SYTL2: variants seen among roughly 807,000 people sequenced by gnomAD.
SYTL2 encodes synaptotagmin like 2.
A neutral mutation model predicts 198.7 loss-of-function variants in SYTL2; 165 were observed. That is an observed-to-expected ratio of 0.83 (90% confidence interval 0.73 to 0.94). The LOEUF is 0.94. SYTL2 is among the 40% of genes least tolerant of loss of function. SYTL2 has a pLI of 0.00. For synonymous variants in SYTL2, 966 were observed against 917.7 expected, an observed-to-expected ratio of 1.05 and a Z score of -0.95; for missense variants, 2,835 against 2,582.8, an observed-to-expected ratio of 1.10 and a Z score of -2.12.
chr11:85,738,146 C>A (rs1369366401), intron 4 of SYTL2, among the ~76,000 whole-genome samples: 2 of 152,102 alleles, frequency 1.3e-5, no homozygotes, highest in Non-Finnish European at 2.9e-5. Flanking sequence ...AAGTAAGGAA[C>A]CAAAGGCCTG....
At position 85,757,894 on chromosome 11, in the gene SYTL2, G is replaced by T; in HGVS notation, c.-169C>A. The T allele has an allele frequency of 1.2e-6, 1 of 834,010 alleles. No individual in the cohort carries two copies. Among genetic ancestry groups the T allele is most frequent in the South Asian group, 1.7e-5 (1 of 57,934 alleles). The allele number at this position is 834,010 out of a possible 1,614,324, so 51.7% of individuals were successfully genotyped here. ...CAGCAAAAGTTTAGGGCAGCTGATA[G>T]CAAGATCCTAAGTGCTCTTTCCCAT... On this transcript the variant is annotated 5_prime_UTR_variant, in exon 2 of 20. Coordinates refer to ENST00000359152, the MANE Select transcript of SYTL2 (RefSeq NM_206927.4).
In SYTL2 at chr11:85,724,454, C is replaced by T. The variant is rs1350658102; in HGVS notation, c.4904G>A (p.Cys1635Tyr). The change falls in exon 8 of 20, where the codon TGT becomes TAT. Residue 1635 changes from cysteine (C) to tyrosine (Y), a missense_variant. By Grantham distance (194) the Cys-to-Tyr change is radical (BLOSUM62 -2). Coordinates refer to ENST00000359152, the MANE Select transcript of SYTL2 (RefSeq NM_206927.4). Reference protein sequence around the residue: ...SNGLESQVNQCDKMLGGDALV... With the variant: ...SNGLESQVNQYDKMLGGDALV... Reference sequence around the variant, plus strand: ...TGCGTCTCCTCCCAACATTTTATCACATTGGTTGACTTGAGATTCCAAACC... The same window carrying T: ...TGCGTCTCCTCCCAACATTTTATCATATTGGTTGACTTGAGATTCCAAACC... 6.2e-7 allele frequency: 1 copy of T among 1,612,482 alleles called. No individual in the cohort carries two copies. Among genetic ancestry groups the T allele is most frequent in the East Asian group, 2.2e-5 (1 of 44,894 alleles).
chr11:85,714,382 A>G, intron 12 of SYTL2, 31 bp downstream of exon 12: 1 of 1,553,708 alleles, frequency 6.4e-7, no homozygotes, highest in Non-Finnish European at 8.9e-7. Context: ...CTCTGTCTCC[A>G]TTTTTCTGAA....
intron 1 of SYTL2, among the ~76,000 whole-genome samples, chr11:85,778,372 G>A (rs2092496357): frequency 6.6e-6 from 1 of 152,222 alleles, no homozygotes; most frequent in Non-Finnish European, 1.5e-5. Context: ...AGTGGTTTTG[G>A]AGTTTGGACT....
chr11:85,844,227 A>G, the SYTL2 span, among the ~76,000 whole-genome samples: 2 of 152,232 alleles, frequency 1.3e-5, no homozygotes, highest in South Asian at 2.1e-4. Flanking sequence ...TCATTTACAT[A>G]GAATAAGAAA....
chr11:85,834,679 A>G, the SYTL2 span, among the ~76,000 whole-genome samples: 4 of 152,126 alleles, frequency 2.6e-5, no homozygotes, highest in African/African-American at 9.7e-5. Context: ...CTGCAAGCTA[A>G]TGTAAGTGTT....
chr11:85,727,661 G>T lies in SYTL2; in HGVS notation c.1697C>A (p.Thr566Asn), dbSNP rs1397506706. ...CTTTGAGCCATTTTCTCTTAAAGTAGTGTCATCTGTCACCAAGTCAACAGC... is the reference window on the plus strand; with the variant it reads ...CTTTGAGCCATTTTCTCTTAAAGTATTGTCATCTGTCACCAAGTCAACAGC... Reference protein sequence around the residue: ...QVAVDLVTDDTTLRENGSKTL... With the variant: ...QVAVDLVTDDNTLRENGSKTL... Residue 566 changes from threonine (T) to asparagine (N), a missense_variant, in exon 8 of 20, where the codon ACT (threonine) becomes AAT (asparagine). Transcript: ENST00000359152. The T allele has an allele frequency of 3.3e-6, 5 of 1,537,942 alleles. No individual in the cohort carries two copies. In the Admixed American group the frequency reaches 5.9e-5, roughly 18 times the overall value.
intron 1 of SYTL2, among the ~76,000 whole-genome samples, chr11:85,789,208 C>T (rs1387792826): frequency 6.7e-6 from 1 of 149,296 alleles, no homozygotes; most frequent in African/African-American, 2.5e-5. Context: ...GCAATCCTCC[C>T]ATCTCAGCCT....
chr11:85,848,720 ACT>A, the SYTL2 span, among the ~76,000 whole-genome samples: 9 of 152,150 alleles, frequency 5.9e-5, no homozygotes, highest in Admixed American at 4.6e-4. Context: ...GTTGCTAAAT[ACT>A]CTTGTGATGT....
chr11:85,774,851 C>T, intron 1 of SYTL2, among the ~76,000 whole-genome samples: 1 of 152,118 alleles, frequency 6.6e-6, no homozygotes, highest in East Asian at 1.9e-4. Context: ...CAGCCTGTGC[C>T]CTGCCTAGAG....
At chr11:85,836,862 A>G in the SYTL2 span, among the ~76,000 whole-genome samples, 1 of 152,340 alleles carries the variant, frequency 6.6e-6, no homozygotes, top group South Asian at 2.1e-4. Context: ...ATAGATGATT[A>G]ATAGATAGAC....
At chr11:85,812,455 C>T (rs952973605), upstream of SYTL2, among the ~76,000 whole-genome samples, 4 of 152,146 alleles carry the variant, frequency 2.6e-5, no homozygotes, top group African/African-American at 9.7e-5. Context: ...GCTGGGTGAG[C>T]ATGCCACATG....
At chr11:85,774,320 T>C (rs2092413129) in intron 1 of SYTL2, among the ~76,000 whole-genome samples, 1 of 152,176 alleles carries the variant, frequency 6.6e-6, no homozygotes, top group Non-Finnish European at 1.5e-5. Flanking sequence ...ATTTTATCAA[T>C]GAGGAAACTG....
chr11:85,711,456 G>A (rs2086266601), intron 12 of SYTL2, among the ~76,000 whole-genome samples: 1 of 152,162 alleles, frequency 6.6e-6, no homozygotes, highest in Non-Finnish European at 1.5e-5. Flanking sequence ...ATAACGAAGT[G>A]ATTTCTTTTC....
chr11:85,718,306 T>A (rs1413434749), intron 10 of SYTL2: 1 of 170,922 alleles, frequency 5.9e-6, no homozygotes, highest in Non-Finnish European at 1.3e-5. Context: ...TCTGTCTATA[T>A]TTAGTTATTT....
intron 1 of SYTL2, among the ~76,000 whole-genome samples, chr11:85,795,896 AC>A (rs1216091727): frequency 3.3e-5 from 5 of 152,122 alleles, no homozygotes; most frequent in East Asian, 1.9e-4. Flanking sequence ...ATCCCAAAGG[AC>A]TCAGGAAAGG....
chr11:85,794,734 G>C (rs1036599459), intron 1 of SYTL2, among the ~76,000 whole-genome samples: 3 of 152,168 alleles, frequency 2.0e-5, no homozygotes, highest in Non-Finnish European at 4.4e-5. Flanking sequence ...GGACGTACAG[G>C]AAGTAAGTCT....
chr11:85,768,511 C>T (rs2092291484), intron 1 of SYTL2, among the ~76,000 whole-genome samples: 1 of 152,178 alleles, frequency 6.6e-6, no homozygotes, highest in Admixed American at 6.5e-5. Flanking sequence ...GCCTGGGACA[C>T]AGTAAGTGCT....
chr11:85,717,753 G>A lies in SYTL2; in HGVS notation c.5483-223C>T, dbSNP rs747728728. The stretch of plus-strand genomic sequence containing the variant: ...TGGGATCAAACAAAAGAGATACGGA[G>A]CATCCTTCCTGTAATTCACTAGACC... On this transcript the variant is annotated intron_variant, in intron 10 of 19. Transcript: ENST00000359152. The A allele has an allele frequency of 2.1e-5, 12 of 576,360 alleles. No individual in the cohort carries two copies. The Middle Eastern group carries it at 1.3e-3, about 64-fold the overall frequency. 35.7% of individuals were successfully genotyped at this position (576,360 alleles called of 1,614,324 possible).
Sources: gnomAD v4.1 joint callset for allele counts (sites outside exome capture counted in the v4.1 genomes callset) on GRCh38, gnomAD v4.1.1 for gene constraint, MANE v1.5 for transcripts, NCBI Gene and HGNC (gene_info 2026-07-23, HGNC 2026-07-21) for gene names.